Variants in GAS2 observed in about 807,000 individuals in gnomAD.
GAS2 encodes the protein growth arrest-specific protein 2.
In GAS2, 20 loss-of-function variants were observed where a neutral mutation model predicts 37.5. That is an observed-to-expected ratio of 0.53 (90% CI 0.37 to 0.77). The LOEUF (loss-of-function observed/expected upper bound fraction) is 0.77, where lower values mean the gene tolerates loss of function less well. Ranked by LOEUF, GAS2 falls within the 30% of genes least tolerant of loss-of-function variation. The pLI is 0.00. For missense variants in GAS2, 336 were observed against 373.4 expected (o/e 0.90, Z 0.82); for synonymous variants, 144 against 132.2 (o/e 1.09, Z -0.61).
At chr11:22,751,494 G>A (rs1241563464) in intron 6 of GAS2, among the ~76,000 whole-genome samples, 4 of 151,852 alleles carry the variant, frequency 2.6e-5, no homozygotes, top group South Asian at 2.1e-4. Flanking sequence ...ATATTTTATC[G>A]ATCTACATCC....
intron 3 of GAS2, among the ~76,000 whole-genome samples, chr11:22,696,980 G>C (rs879573716): frequency 1.1e-3 from 159 of 149,896 alleles, no homozygotes; most frequent in Non-Finnish European, 1.9e-3. Context: ...GGCTTTTGTT[G>C]CCATTGCTTT....
chr11:22,685,875 T>C, intron 3 of GAS2, 86 bp downstream of exon 3: 3 of 1,353,200 alleles, frequency 2.2e-6, no homozygotes, highest in Non-Finnish European at 3.0e-6. Context: ...AAAAAATTTA[T>C]TGTGAACGGA....
chr11:22,730,197 G>T, intron 4 of GAS2, among the ~76,000 whole-genome samples: 1 of 151,590 alleles, frequency 6.6e-6, no homozygotes, highest in South Asian at 2.1e-4. Flanking sequence ...AGAATTTGAA[G>T]GAAAAATAGA....
intron 7 of GAS2, among the ~76,000 whole-genome samples, chr11:22,808,420 G>A (rs1321077615): frequency 1.3e-5 from 2 of 152,228 alleles, no homozygotes; most frequent in African/African-American, 4.8e-5. Flanking sequence ...GGAAGAGGAA[G>A]TGAGCAGAAA....
chr11:22,798,226 G>A (rs1856516828), intron 7 of GAS2, among the ~76,000 whole-genome samples: 1 of 151,990 alleles, frequency 6.6e-6, no homozygotes, highest in Non-Finnish European at 1.5e-5. Context: ...ATCAGTGGCA[G>A]CAGCAGCAGC....
intron 4 of GAS2, among the ~76,000 whole-genome samples, chr11:22,728,243 T>G (rs554016042): frequency 1.5e-4 from 23 of 152,152 alleles, no homozygotes; most frequent in African/African-American, 3.9e-4. Context: ...AATTTTCCTG[T>G]GGACACCAAG....
chr11:22,809,169 A>G (rs1428658110), intron 7 of GAS2, among the ~76,000 whole-genome samples: 1 of 152,206 alleles, frequency 6.6e-6, no homozygotes, highest in Non-Finnish European at 1.5e-5. Flanking sequence ...CTTGCTACAT[A>G]GAAAGCTAAT....
rs571502280 is a variant in GAS2 at position 22,781,881 on chromosome 11, A to G, written c.723+25928A>G. 2.6e-5 allele frequency among the ~76,000 whole-genome samples: 4 copies of G among 152,310 alleles called. No individual in the cohort carries two copies. The East Asian group carries it at 7.7e-4, about 29-fold the overall frequency. On this transcript the variant is annotated intron_variant, in intron 7 of 7. Coordinates refer to ENST00000454584, the MANE Select transcript of GAS2 (RefSeq NM_001143830.3). ...CTAATTTCAGTGTTTTAGAAAGACA[A>G]TGGAACTTGAACCTTTACCAATGGC...
intron 6 of GAS2, among the ~76,000 whole-genome samples, chr11:22,753,682 C>A (rs1853865864): frequency 6.6e-6 from 1 of 152,138 alleles, no homozygotes; most frequent in African/African-American, 2.4e-5. Flanking sequence ...CCCAATGCCC[C>A]TCCCTTTCTT....
rs1370115738 is a variant in GAS2, at chr11:22,652,426, C to T, written c.-20-22424C>T. Among the ~76,000 whole-genome samples, 5 of 152,236 alleles carry T rather than the reference C, an allele frequency of 3.3e-5. No individual in the cohort carries two copies. In the East Asian group the frequency reaches 5.8e-4, roughly 18 times the overall value. On this transcript the variant is annotated intron_variant, in intron 1 of 5. Coordinates refer to the GAS2 transcript ENST00000528582. ...GGAGCCTACAGAGGCAGGCAGGCCT[C>T]CTTGAGCTGTGGTGGGCTCCATCCA...
chr11:22,766,675 A>G (rs1854713997), intron 7 of GAS2, among the ~76,000 whole-genome samples: 1 of 152,200 alleles, frequency 6.6e-6, no homozygotes, highest in African/African-American at 2.4e-5. Context: ...AACATAAACT[A>G]GAAAACCCAA....
In GAS2 at chr11:22,766,828, C is replaced by G. The variant is rs549155364; in HGVS notation, c.723+10875C>G. ...TAAACTTATATTTATGGCCTTTGGT[C>G]AGTTAAGATTAAATCCTCTTAATTT... is the stretch of plus-strand genomic sequence containing the variant. On this transcript the variant is annotated intron_variant, in intron 7 of 7. Coordinates refer to ENST00000454584, the MANE Select transcript of GAS2 (RefSeq NM_001143830.3). Among the ~76,000 whole-genome samples, 114 of 152,208 alleles carry G rather than the reference C, an allele frequency of 7.5e-4. 3 individuals carry two copies. Among genetic ancestry groups the G allele is most frequent in the Non-Finnish European group, 7.1e-4 (48 of 68,008 alleles).
At chr11:22,639,134 G>T (rs1858878190) in intron 1 of GAS2, among the ~76,000 whole-genome samples, 2 of 152,190 alleles carry the variant, frequency 1.3e-5, no homozygotes, top group Admixed American at 1.3e-4. Flanking sequence ...GGAAAAAAGG[G>T]TTCCATATTG....
rs1461894722 is a variant in GAS2 at position 22,755,883 on chromosome 11, C to T, written c.653C>T (p.Pro218Leu). ...RISEDPPCKCPNKFCVERLSQ... is the reference protein window; with the variant it reads ...RISEDPPCKCLNKFCVERLSQ... ...TCTGAAGATCCTCCTTGCAAATGCC[C>T]AAACAAGTTCTGTGTGGAGCGGCTC... The change falls in exon 7 of 8, where the codon CCA becomes CTA. Residue 218 changes from proline (P) to leucine (L), a missense_variant. Pro to Leu is a moderately conservative substitution (Grantham distance 98). Transcript: ENST00000454584. 5 of 1,612,942 alleles carry T rather than the reference C, an allele frequency of 3.1e-6. No homozygotes were observed. Among genetic ancestry groups the T allele is most frequent in the Middle Eastern group, 1.7e-4 (1 of 6,050 alleles).
At chr11:22,692,574 C>T (rs534227712) in intron 3 of GAS2, among the ~76,000 whole-genome samples, 4 of 152,230 alleles carry the variant, frequency 2.6e-5, no homozygotes, top group South Asian at 4.1e-4. Context: ...GAGAAATAGT[C>T]GCATTCTTTT....
chr11:22,807,011 C>T (rs375711959), intron 7 of GAS2, among the ~76,000 whole-genome samples: 26 of 152,244 alleles, frequency 1.7e-4, no homozygotes, highest in African/African-American at 6.0e-4. Context: ...TGGATGCTTA[C>T]ACCCTTGTCA....
rs114103390 is a variant in GAS2, at chr11:22,788,338, A to G, written c.724-23460A>G. 2.5e-3 allele frequency among the ~76,000 whole-genome samples: 378 copies of G among 152,300 alleles called. 3 individuals carry two copies. Among genetic ancestry groups the G allele is most frequent in the African/African-American group, 7.9e-3 (329 of 41,564 alleles). On this transcript the variant is annotated intron_variant, in intron 7 of 7. Coordinates refer to ENST00000454584, the MANE Select transcript of GAS2 (RefSeq NM_001143830.3). ...ACTTCTTCATATGAACAATCATATG[A>G]TATAGAATAGGATTTTTCAAACTCA...
At chr11:22,749,324 C>T (rs990555427) in intron 6 of GAS2, 63 bp downstream of exon 6, 24 of 1,409,364 alleles carry the variant, frequency 1.7e-5, no homozygotes, top group Non-Finnish European at 2.3e-5. Context: ...AAAACATATT[C>T]TGTGCAATCT....
chr11:22,695,860 G>A (rs1220365180), intron 3 of GAS2, among the ~76,000 whole-genome samples: 1 of 152,112 alleles, frequency 6.6e-6, no homozygotes, highest in African/African-American at 2.4e-5. Context: ...TAGAAATTGT[G>A]TCCTGATTAA....
Sources: allele counts gnomAD v4.1 joint callset (sites outside exome capture counted in the v4.1 genomes callset), GRCh38; gene constraint gnomAD v4.1.1; transcripts MANE v1.5; gene names NCBI Gene and HGNC (gene_info 2026-07-23, HGNC 2026-07-21).